MCTP2: variants seen among roughly 807,000 people sequenced by gnomAD.
MCTP2 encodes multiple C2 and transmembrane domain-containing protein 2.
A neutral mutation model predicts 111.6 loss-of-function variants in MCTP2; 132 were observed. The observed-to-expected ratio is 1.18, with a 90% CI of 1.03 to 1.37. MCTP2 has a LOEUF of 1.37. Among genes scored for constraint, MCTP2 ranks in the 40% most tolerant of loss-of-function variants. The pLI is 0.00. For missense variants in MCTP2, 1,183 were observed against 1,067.9 expected (o/e 1.11, Z -1.50); for synonymous variants, 395 against 387.7 (o/e 1.02, Z -0.22).
At chr15:94,290,072 G>C (rs1253405020) in intron 1 of MCTP2, among the ~76,000 whole-genome samples, 1 of 151,954 alleles carries the variant, frequency 6.6e-6, no homozygotes, top group Non-Finnish European at 1.5e-5. Flanking sequence ...AGCTAAACAT[G>C]GCTGTTGATG....
chr15:94,458,083 C>G, intron 19 of MCTP2, 54 bp from the exon 20 acceptor site: 2 of 942,984 alleles, frequency 2.1e-6, no homozygotes, highest in Non-Finnish European at 1.7e-6. Context: ...TTTTCTGTAT[C>G]AGCATGATAA....
At chr15:94,392,772 C>T (rs541356973) in intron 14 of MCTP2, among the ~76,000 whole-genome samples, 30 of 150,546 alleles carry the variant, frequency 2.0e-4, no homozygotes, top group African/African-American at 2.7e-4. Context: ...GCCAAGATCA[C>T]GCCACTGCAC....
chr15:94,458,398 T>C, intron 20 of MCTP2, 152 bp downstream of exon 20: 1 of 604,566 alleles, frequency 1.7e-6, no homozygotes, highest in Non-Finnish European at 3.0e-6. Flanking sequence ...TGACTTCAGT[T>C]GGCTTCTTAA....
intron 19 of MCTP2, among the ~76,000 whole-genome samples, chr15:94,443,543 C>T (rs937921316): frequency 7.9e-5 from 12 of 152,212 alleles, no homozygotes; most frequent in African/African-American, 2.7e-4. Flanking sequence ...TTCCAGTCCC[C>T]TTCACCTGTG....
At chr15:94,275,923 A>T (rs560554583) in intron 1 of MCTP2, among the ~76,000 whole-genome samples, 2 of 144,388 alleles carry the variant, frequency 1.4e-5, no homozygotes, top group Admixed American at 7.3e-5. Flanking sequence ...ATCTTGGCTC[A>T]CTGCAACCTC....
chr15:94,367,859 G>T lies in MCTP2; in HGVS notation c.1488+68G>T. The T allele has an allele frequency of 2.2e-6, 3 of 1,345,568 alleles. No homozygotes were observed. The African/African-American group carries it at 4.6e-5, about 20-fold the overall frequency. 83.4% of individuals were successfully genotyped at this position (1,345,568 alleles called of 1,614,324 possible). ...TCTCTTTTAAAACAAAGTCTTTATT[G>T]AAACAAAGTCTCTGAATTGAAAAAC... On this transcript the variant is annotated intron_variant, in intron 11 of 22. Coordinates refer to ENST00000357742, the MANE Select transcript of MCTP2 (RefSeq NM_001385001.1).
At chr15:94,332,397 A>G (rs1212031603) in intron 4 of MCTP2, among the ~76,000 whole-genome samples, 1 of 152,212 alleles carries the variant, frequency 6.6e-6, no homozygotes, top group Non-Finnish European at 1.5e-5. Flanking sequence ...AAGACTATAA[A>G]TGTATGTGTG....
chr15:94,449,496 AT>A, intron 19 of MCTP2, among the ~76,000 whole-genome samples: 1 of 152,260 alleles, frequency 6.6e-6, no homozygotes, highest in African/African-American at 2.4e-5. Flanking sequence ...TTATTGGTTC[AT>A]TTTTCTGCAT....
chr15:94,379,404 T>C (rs1051366101), intron 12 of MCTP2, among the ~76,000 whole-genome samples: 1 of 152,144 alleles, frequency 6.6e-6, no homozygotes, highest in African/African-American at 2.4e-5. Context: ...AATAGAGTTT[T>C]AGAAATTTTC....
intron 1 of MCTP2, among the ~76,000 whole-genome samples, chr15:94,256,875 C>T (rs1442352845): frequency 1.3e-5 from 2 of 152,196 alleles, no homozygotes; most frequent in Admixed American, 6.5e-5. Context: ...TCCTTGGACT[C>T]GTCCTGCGTG....
intron 21 of MCTP2, 123 bp from the exon 22 acceptor site, chr15:94,476,573 G>C (rs897948404): frequency 1.7e-6 from 1 of 600,344 alleles, no homozygotes; most frequent in Non-Finnish European, 2.8e-6. Context: ...AGTTTTTGAA[G>C]ATAGATGCTA....
At chr15:94,295,091 G>A (rs868406477) in intron 1 of MCTP2, among the ~76,000 whole-genome samples, 1 of 151,134 alleles carries the variant, frequency 6.6e-6, no homozygotes, top group African/African-American at 2.4e-5. Context: ...TGGCATTACA[G>A]GTATGAACCA....
At chr15:94,455,920 A>G (rs1036564464) in intron 19 of MCTP2, among the ~76,000 whole-genome samples, 1 of 152,254 alleles carries the variant, frequency 6.6e-6, no homozygotes, top group Non-Finnish European at 1.5e-5. Context: ...ACTAAAATAT[A>G]TGAATATATA....
At chr15:94,422,483 G>T (rs918308520) in intron 17 of MCTP2, among the ~76,000 whole-genome samples, 12 of 152,138 alleles carry the variant, frequency 7.9e-5, no homozygotes, top group African/African-American at 2.9e-4. Flanking sequence ...AGGCAAAAGC[G>T]ATCTTGCCCT....
At chr15:94,244,698 A>G (rs538037830) in intron 1 of MCTP2, among the ~76,000 whole-genome samples, 1 of 149,534 alleles carries the variant, frequency 6.7e-6, no homozygotes, top group East Asian at 2.0e-4. Flanking sequence ...GTATATGTAT[A>G]CACATACATA....
chr15:94,407,952 G>A (rs1472784599), intron 17 of MCTP2, among the ~76,000 whole-genome samples: 2 of 152,136 alleles, frequency 1.3e-5, no homozygotes, highest in Non-Finnish European at 1.5e-5. Context: ...TCTGTGGACC[G>A]AAAAACATTC....
At chr15:94,267,789 C>A (rs1300179429) in intron 1 of MCTP2, among the ~76,000 whole-genome samples, 5 of 150,766 alleles carry the variant, frequency 3.3e-5, no homozygotes, top group Non-Finnish European at 7.4e-5. Context: ...TGCCTGCTTG[C>A]TTACTTTTAG....
At chr15:94,328,513 T>C (rs1402909639) in intron 4 of MCTP2, among the ~76,000 whole-genome samples, 4 of 152,190 alleles carry the variant, frequency 2.6e-5, no homozygotes, top group African/African-American at 9.7e-5. Flanking sequence ...GTCTGTAAAG[T>C]TGGTAAGAGA....
chr15:94,464,257 T>TATATATTATATATATATATATTATATA (rs4001978), intron 20 of MCTP2, among the ~76,000 whole-genome samples: 23 of 44,936 alleles, frequency 5.1e-4, no homozygotes, highest in African/African-American at 1.3e-3. Context: ...TATATATATA[T>TATATATTATATATATATATATTATATA]TATATATATA....
Sources: allele counts gnomAD v4.1 joint callset (sites outside exome capture counted in the v4.1 genomes callset), GRCh38; gene constraint gnomAD v4.1.1; transcripts MANE v1.5; gene names NCBI Gene and HGNC (gene_info 2026-07-23, HGNC 2026-07-21).